Variants in PFKFB3 observed in about 807,000 individuals in gnomAD.
The protein encoded by PFKFB3 is 6-phosphofructo-2-kinase/fructose-2,6-biphosphatase 3.
A neutral mutation model predicts 68.0 loss-of-function variants in PFKFB3; 33 were observed. That is an observed-to-expected ratio of 0.49 (90% CI 0.37 to 0.65). The LOEUF (loss-of-function observed/expected upper bound fraction) is 0.65, where lower values mean the gene tolerates loss of function less well. Among genes scored for constraint, PFKFB3 ranks in the 30% least tolerant of loss-of-function variants. The pLI, the probability that PFKFB3 is intolerant of heterozygous loss-of-function variation, is 0.00. For missense variants in PFKFB3, 586 were observed against 712.2 expected, an observed-to-expected ratio of 0.82 and a Z score of 2.02; for synonymous variants, 315 against 288.2, an observed-to-expected ratio of 1.09 and a Z score of -0.94.
intron 14 of PFKFB3, among the ~76,000 whole-genome samples, chr10:6,247,715 C>T (rs144368285): frequency 3.9e-5 from 6 of 152,338 alleles, no homozygotes; most frequent in Non-Finnish European, 7.4e-5. Flanking sequence ...CCAGACCCCT[C>T]CTAAGGAACC....
At chr10:6,249,918 A>G (rs1383285383) in intron 14 of PFKFB3, among the ~76,000 whole-genome samples, 1 of 152,230 alleles carries the variant, frequency 6.6e-6, no homozygotes, top group Non-Finnish European at 1.5e-5. Context: ...TTGTATTCAT[A>G]AATCTAAACA....
chr10:6,281,810 C>T, the PFKFB3 span, among the ~76,000 whole-genome samples: 3 of 152,132 alleles, frequency 2.0e-5, no homozygotes, highest in Non-Finnish European at 4.4e-5. Context: ...AAGCAGGCTT[C>T]ACTTTAGTAA....
the PFKFB3 span, among the ~76,000 whole-genome samples, chr10:6,267,150 C>T: frequency 2.0e-5 from 3 of 152,236 alleles, no homozygotes; most frequent in South Asian, 6.2e-4. Context: ...AACATAAGCG[C>T]ATTTAACTCA....
the PFKFB3 span, among the ~76,000 whole-genome samples, chr10:6,322,551 C>G: frequency 6.6e-6 from 1 of 152,226 alleles, no homozygotes; most frequent in Non-Finnish European, 1.5e-5. Flanking sequence ...CCCACCATGC[C>G]TCAAATTCCA....
chr10:6,299,396 G>A, the PFKFB3 span, among the ~76,000 whole-genome samples: 3 of 152,266 alleles, frequency 2.0e-5, no homozygotes, highest in East Asian at 5.8e-4. Context: ...CCATAGTTAG[G>A]ACAGAGAGAG....
At chr10:6,200,612 T>TCG (rs1265610021), upstream of PFKFB3, among the ~76,000 whole-genome samples, 2 of 133,838 alleles carry the variant, frequency 1.5e-5, no homozygotes, top group Non-Finnish European at 3.1e-5. Context: ...AGGTGTGCAT[T>TCG]CGTCCTTGCT....
At chr10:6,208,645 G>T (rs1411926804) in intron 1 of PFKFB3, among the ~76,000 whole-genome samples, 1 of 152,140 alleles carries the variant, frequency 6.6e-6, no homozygotes, top group Non-Finnish European at 1.5e-5. Context: ...GATGCATTCT[G>T]TGTTAGGGTT....
chr10:6,209,053 C>T (rs1045121796), intron 1 of PFKFB3, among the ~76,000 whole-genome samples: 5 of 152,234 alleles, frequency 3.3e-5, no homozygotes, highest in African/African-American at 9.6e-5. Context: ...CTCTGTCTCA[C>T]GGGTACCCAG....
At chr10:6,216,651 CGTT>C (rs1423129430) in intron 4 of PFKFB3, 52 bp from the exon 5 acceptor site, 15 of 1,204,428 alleles carry the variant, frequency 1.2e-5, no homozygotes, top group Non-Finnish European at 1.5e-5. Context: ...TTCTGGTAAA[CGTT>C]GTTAAACTCA....
At chr10:6,262,615 C>A in the PFKFB3 span, among the ~76,000 whole-genome samples, 1 of 152,208 alleles carries the variant, frequency 6.6e-6, no homozygotes, top group Non-Finnish European at 1.5e-5. Context: ...TTGTATCAGT[C>A]ATGGTCAAGT....
chr10:6,236,054 A>C (rs1259903234), downstream of PFKFB3, among the ~76,000 whole-genome samples: 1 of 152,120 alleles, frequency 6.6e-6, no homozygotes, highest in Non-Finnish European at 1.5e-5. Flanking sequence ...GGCATGAGCC[A>C]CTGTGCCTGG....
chr10:6,284,043 T>G, the PFKFB3 span, among the ~76,000 whole-genome samples: 1 of 152,202 alleles, frequency 6.6e-6, no homozygotes, highest in South Asian at 2.1e-4. Flanking sequence ...TACATCTTTC[T>G]CACTGCGAAA....
chr10:6,252,007 A>G (rs954473855), intron 14 of PFKFB3, among the ~76,000 whole-genome samples: 4 of 152,154 alleles, frequency 2.6e-5, no homozygotes, highest in African/African-American at 9.7e-5. Context: ...TAAAGGCCTT[A>G]TGAGAGAATA....
chr10:6,231,184 TAGAA>T, intron 14 of PFKFB3: 9 of 1,032,184 alleles, frequency 8.7e-6, no homozygotes, highest in Non-Finnish European at 1.4e-5. Flanking sequence ...AAATGCACAC[TAGAA>T]AATCCTACTA....
chr10:6,190,525 G>C (rs1842993887), intron 1 of PFKFB3, among the ~76,000 whole-genome samples: 1 of 151,950 alleles, frequency 6.6e-6, no homozygotes, highest in Admixed American at 6.6e-5. Context: ...CAGGATTTTG[G>C]GTGCAGTGGC....
intron 1 of PFKFB3, among the ~76,000 whole-genome samples, chr10:6,165,251 C>T (rs1341476232): frequency 6.6e-6 from 1 of 152,208 alleles, no homozygotes; most frequent in East Asian, 1.9e-4. Context: ...ATATTGTTAA[C>T]AAGGCACATC....
At chr10:6,322,498 A>C in the PFKFB3 span, among the ~76,000 whole-genome samples, 1 of 152,218 alleles carries the variant, frequency 6.6e-6, no homozygotes, top group Non-Finnish European at 1.5e-5. Flanking sequence ...AACAATGTCA[A>C]TCACATTATC....
At chr10:6,161,423 C>A (rs1477971477) in intron 1 of PFKFB3, among the ~76,000 whole-genome samples, 2 of 152,084 alleles carry the variant, frequency 1.3e-5, no homozygotes, top group African/African-American at 2.4e-5. Context: ...TGGAGGGATC[C>A]TTTGCAGTCA....
intron 6 of PFKFB3, 66 bp from the exon 7 acceptor site, chr10:6,219,503 T>C (rs1162746783): frequency 1.3e-6 from 2 of 1,596,448 alleles, no homozygotes; most frequent in Non-Finnish European, 1.7e-6. Context: ...AAGCCCCAAA[T>C]CCTGCTTAAT....
Sources: allele counts gnomAD v4.1 joint callset (sites outside exome capture counted in the v4.1 genomes callset), GRCh38; gene constraint gnomAD v4.1.1; transcripts MANE v1.5; gene names NCBI Gene and HGNC (gene_info 2026-07-23, HGNC 2026-07-21).